Variants in BCO1 observed in about 807,000 individuals in gnomAD.
The protein encoded by BCO1 is beta,beta-carotene 15,15'-dioxygenase.
A neutral mutation model predicts 56.3 loss-of-function variants in BCO1; 54 were observed. That is an observed-to-expected ratio of 0.96 (90% CI 0.77 to 1.20). The LOEUF (loss-of-function observed/expected upper bound fraction) is 1.20. Ranked by LOEUF, BCO1 falls within the 50% of genes most tolerant of loss-of-function variation. The pLI is 0.00. For synonymous variants in BCO1, 318 were observed against 266.1 expected, an observed-to-expected ratio of 1.20 and a Z score of -1.90; for missense variants, 801 against 690.9, an observed-to-expected ratio of 1.16 and a Z score of -1.79.
At position 81,238,691 on chromosome 16, in the gene BCO1, G is replaced by C. The variant is rs1046607827; in HGVS notation, c.-218G>C. On this transcript the variant is annotated 5_prime_UTR_variant, in exon 1 of 11. Coordinates refer to ENST00000258168, the MANE Select transcript of BCO1 (RefSeq NM_017429.3). ...GTAACGCCAGCGCAGCTTCCCTTGT[G>C]AATGTAAAGAGATCCAGGGCTCTTG... 3.4e-6 allele frequency: 2 copies of C among 592,074 alleles called. No individual in the cohort carries two copies. Among genetic ancestry groups the C allele is most frequent in the Admixed American group, 5.8e-5 (2 of 34,520 alleles). The allele number at this position is 592,074 out of a possible 1,614,324, so 36.7% of individuals were successfully genotyped here. A position where few individuals can be genotyped will look rare whatever the true frequency, so the allele number is the denominator to read the frequency against.
At chr16:81,240,351 A>G (rs1905055377) in intron 1 of BCO1, among the ~76,000 whole-genome samples, 3 of 152,096 alleles carry the variant, frequency 2.0e-5, no homozygotes, top group East Asian at 1.9e-4. Context: ...AATGTATACT[A>G]TTACATTTTT....
intron 7 of BCO1, among the ~76,000 whole-genome samples, chr16:81,273,555 C>T (rs1291699885): frequency 1.3e-5 from 2 of 152,098 alleles, no homozygotes; most frequent in African/African-American, 2.4e-5. Flanking sequence ...ATCTCTCCAG[C>T]ATTTTCCCAC....
rs541882278 is a variant in BCO1 at position 81,274,521 on chromosome 16, T to C, written c.1101+4105T>C. 4.1e-3 allele frequency among the ~76,000 whole-genome samples: 630 copies of C among 152,082 alleles called. 3 individuals carry two copies. Among genetic ancestry groups the C allele is most frequent in the African/African-American group, 0.015 (607 of 41,546 alleles). On this transcript the variant is annotated intron_variant, in intron 7 of 10. Coordinates refer to ENST00000258168, the MANE Select transcript of BCO1 (RefSeq NM_017429.3). ...CCTCGTGATCCGCCTGCCTCAGCCT[T>C]CCAAAGTGCTGGGATTACAGGCGTG...
chr16:81,274,558 C>T (rs893278626), intron 7 of BCO1, among the ~76,000 whole-genome samples: 36 of 152,112 alleles, frequency 2.4e-4, no homozygotes, highest in Non-Finnish European at 4.4e-4. Flanking sequence ...GCCACTGCGC[C>T]CAGCCCCCTA....
At chr16:81,244,717 CTTTTT>C (rs55904406) in intron 1 of BCO1, among the ~76,000 whole-genome samples, 1 of 129,220 alleles carries the variant, frequency 7.7e-6, no homozygotes, top group African/African-American at 3.0e-5. Context: ...TTGCCCCTAT[CTTTTT>C]TTTTTTTTTT....
At chr16:81,262,343 G>A (rs753414853) in intron 4 of BCO1, 60 bp downstream of exon 4, 14 of 1,569,798 alleles carry the variant, frequency 8.9e-6, no homozygotes, top group East Asian at 2.2e-5. Flanking sequence ...AGTCGGCGAC[G>A]GCCGGGGTGA....
intron 3 of BCO1, among the ~76,000 whole-genome samples, chr16:81,261,536 TG>T (rs1567705500): frequency 6.6e-6 from 1 of 152,150 alleles, no homozygotes; most frequent in East Asian, 1.9e-4. Context: ...TGACATACTT[TG>T]GAACAGTATG....
At chr16:81,282,135 T>C (rs1477195805) in intron 8 of BCO1, among the ~76,000 whole-genome samples, 3 of 152,174 alleles carry the variant, frequency 2.0e-5, no homozygotes, top group African/African-American at 7.2e-5. Flanking sequence ...TCCCAGCACT[T>C]TGGGATGCTG....
intron 6 of BCO1, among the ~76,000 whole-genome samples, chr16:81,268,997 C>G (rs1907009117): frequency 1.3e-5 from 2 of 150,154 alleles, no homozygotes; most frequent in South Asian, 4.2e-4. Flanking sequence ...AAACTCTGGA[C>G]TCAAGTGATC....
intron 6 of BCO1, among the ~76,000 whole-genome samples, chr16:81,269,461 A>AATTT (rs1159569293): frequency 6.6e-6 from 1 of 151,618 alleles, no homozygotes; most frequent in Admixed American, 6.6e-5. Flanking sequence ...ATGCCTAGTG[A>AATTT]ATTTATTTAT....
chr16:81,267,313 T>C (rs1203851892), intron 5 of BCO1, among the ~76,000 whole-genome samples: 1 of 152,118 alleles, frequency 6.6e-6, no homozygotes, highest in Non-Finnish European at 1.5e-5. Context: ...TCTGCATTTA[T>C]ATAAAACCCC....
intron 8 of BCO1, among the ~76,000 whole-genome samples, 188 bp from the exon 9 acceptor site, chr16:81,285,352 T>A (rs899593903): frequency 1.3e-5 from 2 of 152,172 alleles, no homozygotes; most frequent in African/African-American, 4.8e-5. Context: ...AGAGCTGGGG[T>A]AATTAAATTA....
chr16:81,250,025 A>G (rs12102445), intron 2 of BCO1, among the ~76,000 whole-genome samples: 2,126 of 152,244 alleles, frequency 0.014, 49 homozygotes, highest in African/African-American at 0.048. Flanking sequence ...ATACTTTCCC[A>G]GTCAAACTCT....
Position 81,253,270 on chromosome 16 carries a change from T to A in BCO1, c.194-6406T>A, listed in dbSNP as rs979856273. On this transcript the variant is annotated intron_variant, in intron 2 of 10. Coordinates refer to ENST00000258168, the MANE Select transcript of BCO1 (RefSeq NM_017429.3). ...AACCTAGAGCCGAAGCCTTGATCAC[T>A]CTGTCTACTGCATCTCAATACTCTA... Among the ~76,000 whole-genome samples the A allele has an allele frequency of 2.6e-5, 4 of 152,268 alleles. No homozygotes were observed. The South Asian group carries it at 6.2e-4, about 24-fold the overall frequency.
intron 2 of BCO1, among the ~76,000 whole-genome samples, chr16:81,254,809 C>T (rs1021693534): frequency 6.6e-6 from 1 of 151,988 alleles, no homozygotes; most frequent in Non-Finnish European, 1.5e-5. Context: ...TCCTGTTTCT[C>T]TTTTTGAGGC....
At chr16:81,285,716 T>C in intron 9 of BCO1, 82 bp downstream of exon 9, 5 of 1,104,842 alleles carry the variant, frequency 4.5e-6, no homozygotes, top group Non-Finnish European at 6.9e-6. Flanking sequence ...TTCTGAGACG[T>C]TGATTAGAAA....
intron 7 of BCO1, among the ~76,000 whole-genome samples, chr16:81,273,730 G>A (rs767659400): frequency 3.3e-5 from 5 of 151,180 alleles, no homozygotes; most frequent in Non-Finnish European, 7.4e-5. Context: ...GGCAATGCTT[G>A]CTGCACAGAG....
chr16:81,255,046 C>A (rs1182668193), intron 2 of BCO1, among the ~76,000 whole-genome samples: 2 of 152,152 alleles, frequency 1.3e-5, no homozygotes, highest in Non-Finnish European at 2.9e-5. Flanking sequence ...GCCTCTCAAA[C>A]TGCTGGGATT....
rs751535643 is a variant in BCO1, at chr16:81,270,198, G to T, written c.883G>T (p.Val295Leu). 1.2e-6 allele frequency: 2 copies of T among 1,614,070 alleles called. No individual in the cohort carries two copies. Among genetic ancestry groups the T allele is most frequent in the African/African-American group, 2.7e-5 (2 of 74,908 alleles). Residue 295 changes from valine (V) to leucine (L), a missense_variant, in exon 7 of 11, where the codon GTG becomes TTG. Coordinates refer to ENST00000258168, the MANE Select transcript of BCO1 (RefSeq NM_017429.3). Reference protein sequence around the residue: ...HIIDQRTRQPVQTKFYTDAMV... With the variant: ...HIIDQRTRQPLQTKFYTDAMV... Reference sequence around the variant, plus strand: ...CATCGACCAAAGGACCAGGCAGCCTGTGCAGACCAAGTTTTACACAGACGC... The same window carrying T: ...CATCGACCAAAGGACCAGGCAGCCTTTGCAGACCAAGTTTTACACAGACGC...
Sources: gnomAD v4.1 joint callset for allele counts (sites outside exome capture counted in the v4.1 genomes callset) on GRCh38, gnomAD v4.1.1 for gene constraint, MANE v1.5 for transcripts, NCBI Gene and HGNC (gene_info 2026-07-23, HGNC 2026-07-21) for gene names.